LRRC7: variants seen among roughly 807,000 people sequenced by gnomAD.
The protein encoded by LRRC7 is leucine-rich repeat-containing protein 7.
Under a neutral mutation model 175.7 loss-of-function variants are expected in LRRC7, and 23 were observed. That is an observed-to-expected ratio of 0.13 (90% confidence interval 0.09 to 0.19). LRRC7 has a LOEUF of 0.19. Ranked by LOEUF, LRRC7 falls within the 10% of genes least tolerant of loss-of-function variation. The pLI is 1.00. For synonymous variants in LRRC7, 685 were observed against 680.9 expected (o/e 1.01, Z -0.09); for missense variants, 1,354 against 1,904.7 (o/e 0.71, Z 5.38).
chr1:69,907,097 T>G (rs1646342096), intron 7 of LRRC7, among the ~76,000 whole-genome samples: 2 of 152,288 alleles, frequency 1.3e-5, no homozygotes, highest in South Asian at 4.1e-4. Context: ...TTGTGATTTT[T>G]GTACATTGAT....
At chr1:69,646,100 T>C (rs1226461159) in intron 1 of LRRC7, among the ~76,000 whole-genome samples, 1 of 152,138 alleles carries the variant, frequency 6.6e-6, no homozygotes, top group African/African-American at 2.4e-5. Flanking sequence ...AGCATACTTA[T>C]AATTAGGCTC....
intron 23 of LRRC7, among the ~76,000 whole-genome samples, chr1:70,054,672 T>G (rs1661007955): frequency 7.5e-6 from 1 of 133,638 alleles, no homozygotes; most frequent in Admixed American, 8.3e-5. Context: ...GCTCACTTGC[T>G]CACTGCAATC....
At chr1:69,693,622 T>TCCA (rs3041151) in intron 2 of LRRC7, among the ~76,000 whole-genome samples, 119,878 of 151,874 alleles carry the variant, frequency 0.79, 48,325 homozygotes, top group African/African-American at 0.95. Flanking sequence ...TTACTCTAAA[T>TCCA]CCAATTTAAA....
In LRRC7 at chr1:70,122,073, G is replaced by A. The variant is rs1184456894; in HGVS notation, c.*186G>A. The A allele has an allele frequency of 1.6e-5, 7 of 450,914 alleles. No individual in the cohort carries two copies. The highest frequency in any genetic ancestry group is 2.3e-5 in the Non-Finnish European group (6 of 255,322). The allele number at this position is 450,914 out of a possible 1,614,324, so 27.9% of individuals were successfully genotyped here. A position where few individuals can be genotyped will look rare whatever the true frequency, so the allele number is the denominator to read the frequency against. ...ACTCTATAAATATGATGTTCATGTG[G>A]TTATGTATTAGTTTTAATTGTCAGC... On this transcript the variant is annotated 3_prime_UTR_variant, in exon 27 of 27. Transcript: ENST00000651989.
At chr1:69,983,710 A>G (rs1653660070) in intron 9 of LRRC7, among the ~76,000 whole-genome samples, 1 of 152,158 alleles carries the variant, frequency 6.6e-6, no homozygotes, top group Non-Finnish European at 1.5e-5. Flanking sequence ...GGACTTTCTT[A>G]AGACTTCATC....
chr1:69,716,282 A>G (rs1665338337), intron 2 of LRRC7: 1 of 422,194 alleles, frequency 2.4e-6, no homozygotes, highest in South Asian at 9.6e-5. Flanking sequence ...TGGGAATTTT[A>G]CACTATAATT....
chr1:69,949,566 TAGAGAG>T (rs10537023), intron 8 of LRRC7, among the ~76,000 whole-genome samples: 53 of 151,216 alleles, frequency 3.5e-4, no homozygotes, highest in Middle Eastern at 3.4e-3. Context: ...CAAAGAAAAA[TAGAGAG>T]AGAGAGAGAA....
intron 1 of LRRC7, among the ~76,000 whole-genome samples, chr1:69,616,090 T>C (rs1205950391): frequency 6.6e-6 from 1 of 152,084 alleles, no homozygotes; most frequent in East Asian, 1.9e-4. Flanking sequence ...ATGAATCCAA[T>C]GTCATGTTAG....
intron 8 of LRRC7, among the ~76,000 whole-genome samples, chr1:69,943,115 A>G (rs140461346): frequency 2.0e-4 from 30 of 152,270 alleles, no homozygotes; most frequent in African/African-American, 7.0e-4. Flanking sequence ...ACCCAAGAAA[A>G]TTGAAAATGC....
chr1:69,595,921 A>C (rs1646823659), intron 1 of LRRC7, among the ~76,000 whole-genome samples: 1 of 151,584 alleles, frequency 6.6e-6, no homozygotes, highest in Non-Finnish European at 1.5e-5. Context: ...AAAACATTTA[A>C]TAACATACCC....
chr1:69,657,572 T>C (rs145575703), intron 1 of LRRC7, among the ~76,000 whole-genome samples: 104 of 152,034 alleles, frequency 6.8e-4, no homozygotes, highest in African/African-American at 2.3e-3. Context: ...ATGTGTCTTC[T>C]GTATGTAAAG....
In LRRC7 at chr1:69,629,730, C is replaced by T. The variant is rs564613527; in HGVS notation, c.3-48651C>T. Reference sequence around the variant, plus strand: ...ATTCTTAATTACTGTCATGTTCTTTCCCTCTCTCTCTGCCTATGTTAACTG... The same window carrying T: ...ATTCTTAATTACTGTCATGTTCTTTTCCTCTCTCTCTGCCTATGTTAACTG... On this transcript the variant is annotated intron_variant, in intron 1 of 26. Transcript: ENST00000651989. 1.8e-3 allele frequency among the ~76,000 whole-genome samples: 276 copies of T among 152,176 alleles called. 2 individuals carry two copies. Among genetic ancestry groups the T allele is most frequent in the Non-Finnish European group, 3.1e-3 (212 of 67,990 alleles).
rs1657192369 is a variant in LRRC7, at chr1:70,018,890, C to T, written c.1420+72C>T. 5 of 1,185,216 alleles carry T rather than the reference C, an allele frequency of 4.2e-6. No homozygotes were observed. The South Asian group carries it at 5.2e-5, about 12-fold the overall frequency. The allele number at this position is 1,185,216 out of a possible 1,614,324, so 73.4% of individuals were successfully genotyped here. On this transcript the variant is annotated intron_variant, in intron 15 of 26. Coordinates refer to ENST00000651989, the MANE Select transcript of LRRC7 (RefSeq NM_001370785.2). Reference sequence around the variant, plus strand: ...TAGAAATAACTAATTTTATTCAGATCTCTGGCCAGGAGTACTGGCACATGG... The same window carrying T: ...TAGAAATAACTAATTTTATTCAGATTTCTGGCCAGGAGTACTGGCACATGG...
intron 1 of LRRC7, among the ~76,000 whole-genome samples, chr1:69,605,674 G>T (rs896019956): frequency 6.6e-6 from 1 of 152,090 alleles, no homozygotes; most frequent in African/African-American, 2.4e-5. Flanking sequence ...TCAGGTACTG[G>T]AGCACAGTTC....
intron 4 of LRRC7, among the ~76,000 whole-genome samples, chr1:69,792,466 A>AT (rs1337786479): frequency 2.0e-5 from 3 of 151,892 alleles, no homozygotes; most frequent in African/African-American, 4.8e-5. Flanking sequence ...TCAGAGTAAC[A>AT]TTTTTTCTCA....
At chr1:69,985,590 T>G (rs1653864566) in intron 9 of LRRC7, among the ~76,000 whole-genome samples, 1 of 152,194 alleles carries the variant, frequency 6.6e-6, no homozygotes, top group Non-Finnish European at 1.5e-5. Flanking sequence ...TAGAACATTT[T>G]CATGAGCCCT....
At chr1:69,949,006 C>T (rs181250315) in intron 8 of LRRC7, among the ~76,000 whole-genome samples, 19 of 152,212 alleles carry the variant, frequency 1.2e-4, no homozygotes, top group Admixed American at 1.1e-3. Flanking sequence ...GTCTAGAAAT[C>T]TTTCAGTCTC....
intron 26 of LRRC7, among the ~76,000 whole-genome samples, chr1:70,119,885 G>A (rs534435471): frequency 2.2e-3 from 331 of 152,168 alleles, no homozygotes; most frequent in Non-Finnish European, 3.9e-3. Context: ...TGACAATCAA[G>A]AACTCCATTA....
intron 4 of LRRC7, among the ~76,000 whole-genome samples, chr1:69,818,520 T>G (rs1320136879): frequency 1.3e-5 from 2 of 152,120 alleles, no homozygotes; most frequent in Non-Finnish European, 2.9e-5. Context: ...TTTCTAGTAC[T>G]TCCTTGAGGA....
Sources: allele counts gnomAD v4.1 joint callset (sites outside exome capture counted in the v4.1 genomes callset), GRCh38; gene constraint gnomAD v4.1.1; transcripts MANE v1.5; gene names NCBI Gene and HGNC (gene_info 2026-07-23, HGNC 2026-07-21).